MAST3: variants seen among roughly 807,000 people sequenced by gnomAD.
MAST3 encodes microtubule-associated serine/threonine-protein kinase 3.
In MAST3, 43 loss-of-function variants were observed where a neutral mutation model predicts 127.0. That is an observed-to-expected ratio of 0.34 (90% CI 0.27 to 0.44). The LOEUF is 0.44. MAST3 is among the 20% of genes least tolerant of loss of function. The probability of loss-of-function intolerance (pLI) is 1.00; values close to 1 mark genes in which losing one functional copy is unlikely to be tolerated. For missense variants in MAST3, 1,390 were observed against 1,919.1 expected, an observed-to-expected ratio of 0.72 and a Z score of 5.15; for synonymous variants, 785 against 809.2, an observed-to-expected ratio of 0.97 and a Z score of 0.51.
Position 18,149,257 on chromosome 19 carries a change from G to C in MAST3, c.3575G>C (p.Gly1192Ala). The C allele has an allele frequency of 1.3e-6, 2 of 1,550,430 alleles. No individual in the cohort carries two copies. Among genetic ancestry groups the C allele is most frequent in the Non-Finnish European group, 1.7e-6 (2 of 1,152,082 alleles). ...SSSPASPAAA[G>A]HTRPSSLHGL... ...AGCCCCGCCTCCCCAGCTGCTGCTG[G>C]CCACACCCGCCCCAGCTCCCTGCAC... Residue 1192 changes from glycine (G) to alanine (A), a missense_variant, in exon 28 of 28, where the codon GGC (glycine) becomes GCC (alanine). Gly to Ala is a moderately conservative substitution (Grantham distance 60, BLOSUM62 0). Coordinates refer to ENST00000687212, the MANE Select transcript of MAST3 (RefSeq NM_001393504.1). This position sits in a 1 kb window ranked among gnomAD's most constrained non-coding sequence, Gnocchi z 5.9.
At chr19:18,118,477 G>C (rs2039573428) in intron 3 of MAST3, among the ~76,000 whole-genome samples, 1 of 152,184 alleles carries the variant, frequency 6.6e-6, no homozygotes, top group African/African-American at 2.4e-5. Flanking sequence ...CAGCGTCGCA[G>C]CTGGGGTGGT....
chr19:18,149,122 T>C lies in MAST3; in HGVS notation c.3509-69T>C. On this transcript the variant is annotated intron_variant, in intron 27 of 27. Coordinates refer to ENST00000687212, the MANE Select transcript of MAST3 (RefSeq NM_001393504.1). The surrounding 1 kb of genome is among the most constrained non-coding windows in gnomAD (Gnocchi z 5.9). ...TGTGGGCTTTAGCAGTTTTTGTCAG[T>C]CCCACAGCTCCACTTCTGGGCTGGG... The C allele has an allele frequency of 7.1e-7, 1 of 1,400,282 alleles. No homozygotes were observed. Among genetic ancestry groups the C allele is most frequent in the South Asian group, 1.7e-5 (1 of 60,342 alleles). The allele number at this position is 1,400,282 out of a possible 1,614,324, so 86.7% of individuals were successfully genotyped here.
At chr19:18,124,204 G>T in intron 9 of MAST3, 56 bp downstream of exon 9, 1 of 1,589,626 alleles carries the variant, frequency 6.3e-7, no homozygotes, top group Non-Finnish European at 8.6e-7. Flanking sequence ...GGAGTGAGGG[G>T]GGTCCCCAGG....
chr19:18,149,636 G>C lies in MAST3; in HGVS notation c.3954G>C (p.Glu1318Asp). 6.2e-7 allele frequency: 1 copy of C among 1,613,280 alleles called. No individual in the cohort carries two copies. Among genetic ancestry groups the C allele is most frequent in the Non-Finnish European group, 8.5e-7 (1 of 1,179,888 alleles). ...TTAGCTTCGATGAGCCGCAGGAGGA[G>C]GCCACTGGGCTGCCCACCTCAGTGC... Reference protein sequence around the residue: ...QEVSFDEPQEEATGLPTSVPQ... With the variant: ...QEVSFDEPQEDATGLPTSVPQ... The change falls in exon 28 of 28, where the codon GAG becomes GAC. Residue 1318 changes from glutamate (E) to aspartate (D), a missense_variant. Glu to Asp is a conservative substitution (Grantham distance 45). Coordinates refer to ENST00000687212, the MANE Select transcript of MAST3 (RefSeq NM_001393504.1). This position sits in a 1 kb window ranked among gnomAD's most constrained non-coding sequence, Gnocchi z 5.9.
intron 1 of MAST3, chr19:18,098,769 T>A (rs1212127324): frequency 8.8e-6 from 4 of 456,588 alleles, no homozygotes; most frequent in Non-Finnish European, 1.8e-5. Flanking sequence ...CGAACATTTA[T>A]GGAGCGCCTG....
intron 3 of MAST3, among the ~76,000 whole-genome samples, chr19:18,120,073 G>A (rs955361473): frequency 6.6e-6 from 1 of 152,226 alleles, no homozygotes; most frequent in African/African-American, 2.4e-5. Flanking sequence ...CCAGGGCCCA[G>A]GTGGGAGAAG....
At chr19:18,115,462 G>C (rs566493339) in intron 3 of MAST3, among the ~76,000 whole-genome samples, 2 of 152,006 alleles carry the variant, frequency 1.3e-5, no homozygotes, top group African/African-American at 4.8e-5. Context: ...GGCTCAGCAC[G>C]TAGTGACAGC....
At position 18,137,475 on chromosome 19, in the gene MAST3, G is replaced by C. The variant is rs191187185; in HGVS notation, c.2095+114G>C. ...ACCCGAGCTTGGCACCTCACCTTAG[G>C]CCTGGAGCTTCCGACTTCCTGAGCC... On this transcript the variant is annotated intron_variant, in intron 19 of 27. Transcript: ENST00000687212. 133 of 1,202,880 alleles carry C rather than the reference G, an allele frequency of 1.1e-4. No homozygotes were observed. The East Asian group carries it at 2.1e-3, about 19-fold the overall frequency. 74.5% of individuals were successfully genotyped at this position (1,202,880 alleles called of 1,614,324 possible). A position where few individuals can be genotyped will look rare whatever the true frequency, so the allele number is the denominator to read the frequency against.
Position 18,111,902 on chromosome 19 carries a change from C to A in MAST3, c.161+1161C>A, listed in dbSNP as rs148098274. Among the ~76,000 whole-genome samples the A allele has an allele frequency of 3.3e-5, 5 of 152,190 alleles. No homozygotes were observed. The East Asian group carries it at 9.6e-4, about 29-fold the overall frequency. ...CAACAGGGAGGTACCTTCCTTCAGA[C>A]GCCAAGCACTTATGAGGCACCTACT... On this transcript the variant is annotated intron_variant, in intron 3 of 27. Coordinates refer to ENST00000687212, the MANE Select transcript of MAST3 (RefSeq NM_001393504.1).
chr19:18,110,300 G>C lies in MAST3; in HGVS notation c.72-352G>C, dbSNP rs2038439432. 1.0e-6 allele frequency: 1 copy of C among 985,582 alleles called. No individual in the cohort carries two copies. The highest frequency in any genetic ancestry group is 1.2e-6 in the Non-Finnish European group (1 of 830,014). 61.1% of individuals were successfully genotyped at this position (985,582 alleles called of 1,614,324 possible). A position where few individuals can be genotyped will look rare whatever the true frequency, so the allele number is the denominator to read the frequency against. On this transcript the variant is annotated intron_variant, in intron 2 of 27. Transcript: ENST00000687212. The surrounding 1 kb of genome is among the most constrained non-coding windows in gnomAD (Gnocchi z 4.3). ...GGGGGCGTCGGTACCCCGCCGCACAGAGGCGGCCTCTGCCTCGGCATGAAG... is the reference window on the plus strand; with the variant it reads ...GGGGGCGTCGGTACCCCGCCGCACACAGGCGGCCTCTGCCTCGGCATGAAG...
At chr19:18,109,875 C>T (rs1398259547) in intron 2 of MAST3, 1 of 924,438 alleles carries the variant, frequency 1.1e-6, no homozygotes, top group Non-Finnish European at 1.3e-6. Flanking sequence ...CAGATCCCGG[C>T]TCCCAGAGAG....
chr19:18,127,026 C>T (rs952839041), intron 11 of MAST3, among the ~76,000 whole-genome samples: 8 of 151,678 alleles, frequency 5.3e-5, no homozygotes, highest in African/African-American at 1.7e-4. Context: ...ATGATCCGCC[C>T]GCCTCTGCCT....
In MAST3 at chr19:18,131,522, AG is replaced by A. The variant is rs1324394422; in HGVS notation, c.1433-386del. 1.4e-5 allele frequency among the ~76,000 whole-genome samples: 2 copies of A among 139,530 alleles called. 1 individual carries two copies. The highest frequency in any genetic ancestry group is 3.2e-5 in the Non-Finnish European group (2 of 62,454). The allele number at this position is 139,530 out of a possible 152,430, so 91.5% of individuals were successfully genotyped here. ...GAGACCATCCTGACCAACATAGTGA[AG>A]CCCCATCTCTACTAAGAATACAAAA... On this transcript the variant is annotated intron_variant, in intron 14 of 27. Transcript: ENST00000687212.
chr19:18,107,008 G>C (rs2038133374), intron 1 of MAST3, among the ~76,000 whole-genome samples: 1 of 108,220 alleles, frequency 9.2e-6, no homozygotes, highest in Non-Finnish European at 1.8e-5. Flanking sequence ...TAGAGACGGG[G>C]TTTCACTCTG....
At chr19:18,102,990 G>A (rs1036490555) in intron 1 of MAST3, among the ~76,000 whole-genome samples, 1 of 152,128 alleles carries the variant, frequency 6.6e-6, no homozygotes, top group Non-Finnish European at 1.5e-5. Context: ...CTGGGCAAGC[G>A]CAGACGGGTA....
At chr19:18,106,674 C>T (rs1221483922) in intron 1 of MAST3, among the ~76,000 whole-genome samples, 16 of 151,790 alleles carry the variant, frequency 1.1e-4, no homozygotes, top group Non-Finnish European at 2.1e-4. Context: ...CGGGTTCAAG[C>T]GATTCTCCTG....
intron 1 of MAST3, among the ~76,000 whole-genome samples, chr19:18,104,924 C>T (rs376313698): frequency 3.3e-5 from 5 of 152,148 alleles, no homozygotes; most frequent in African/African-American, 4.8e-5. Flanking sequence ...ACCCTCCTCA[C>T]GTCATCTCCA....
Position 18,141,874 on chromosome 19 carries a change from C to A in MAST3, c.2206-8C>A. On this transcript the variant is annotated splice_polypyrimidine_tract_variant and splice_region_variant and intron_variant, in intron 20 of 27. Coordinates refer to ENST00000687212, the MANE Select transcript of MAST3 (RefSeq NM_001393504.1). ...CCCGGCTTACCATTCTTTTGTCTTG[C>A]CTCCCAGGTCTACAGCAGCTCTGAG... is the stretch of plus-strand genomic sequence containing the variant. 1 of 1,416,612 alleles carries A rather than the reference C, an allele frequency of 7.1e-7. No individual in the cohort carries two copies. Among genetic ancestry groups the A allele is most frequent in the South Asian group, 1.6e-5 (1 of 63,454 alleles). 87.8% of individuals were successfully genotyped at this position (1,416,612 alleles called of 1,614,324 possible).
Position 18,122,670 on chromosome 19 carries a change from C to T in MAST3, c.321-3C>T. On this transcript the variant is annotated splice_polypyrimidine_tract_variant and splice_region_variant and intron_variant, in intron 5 of 27. Transcript: ENST00000687212. The stretch of plus-strand genomic sequence containing the variant: ...TTCCATCTGTTCTTGTTCCCCTCTC[C>T]AGGGCAGACGGCAGAAGATGGTCCC... The T allele has an allele frequency of 6.2e-7, 1 of 1,612,434 alleles. No individual in the cohort carries two copies. Among genetic ancestry groups the T allele is most frequent in the Non-Finnish European group, 8.5e-7 (1 of 1,179,246 alleles).
Sources: gnomAD v4.1 joint callset for allele counts (sites outside exome capture counted in the v4.1 genomes callset) on GRCh38, gnomAD v4.1.1 for gene constraint, Gnocchi (gnomAD v3.1) non-coding constraint, MANE v1.5 for transcripts, NCBI Gene and HGNC (gene_info 2026-07-23, HGNC 2026-07-21) for gene names.